MED9: variants seen among roughly 807,000 people sequenced by gnomAD.
The protein encoded by MED9 is mediator of RNA polymerase II transcription subunit 9.
A neutral mutation model predicts 13.2 loss-of-function variants in MED9; 8 were observed. The ratio of observed to expected loss-of-function variants is 0.61; its 90% confidence interval spans 0.36 to 1.10. The LOEUF (loss-of-function observed/expected upper bound fraction) is 1.10, where lower values mean the gene tolerates loss of function less well. Ranked by LOEUF, MED9 falls within the 50% of genes least tolerant of loss-of-function variation. MED9 has a pLI of 0.02. For synonymous variants in MED9, 87 were observed against 82.8 expected, an observed-to-expected ratio of 1.05 and a Z score of -0.28; for missense variants, 180 against 193.4, an observed-to-expected ratio of 0.93 and a Z score of 0.41.
chr17:17,487,154 G>A (rs556267280), intron 1 of MED9: 4 of 152,386 alleles, frequency 2.6e-5, no homozygotes, highest in Admixed American at 2.0e-4. Context: ...TAATCTGATG[G>A]GGACGGGGAG....
intron 1 of MED9, among the ~76,000 whole-genome samples, chr17:17,478,681 AC>A (rs1389706157): frequency 2.6e-5 from 4 of 151,958 alleles, no homozygotes; most frequent in African/African-American, 9.7e-5. Context: ...ACATGGCAAA[AC>A]CCCATCTCTA....
intron 1 of MED9, 119 bp downstream of exon 1, chr17:17,477,384 CT>C: frequency 8.6e-7 from 1 of 1,166,098 alleles, no homozygotes; most frequent in East Asian, 2.5e-5. Context: ...GATGGGGAAA[CT>C]CAGACCCAGA....
intron 1 of MED9, among the ~76,000 whole-genome samples, chr17:17,484,841 G>A (rs1247219619): frequency 1.3e-5 from 2 of 152,208 alleles, no homozygotes. Flanking sequence ...TCCTTAGTGG[G>A]CGTGAGAAAT....
Position 17,490,049 on chromosome 17 carries a change from A to G in MED9, c.225-1230A>G, listed in dbSNP as rs149785334. On this transcript the variant is annotated intron_variant, in intron 1 of 1. Transcript: ENST00000268711. ...GACAGTTTTTCCCTCTTATGCCTCA[A>G]TGGCTTACTTTCAGAACAGCTTACT... Among the ~76,000 whole-genome samples, 301 of 152,368 alleles carry G rather than the reference A, an allele frequency of 2.0e-3. No homozygotes were observed. The Middle Eastern group carries it at 0.024, about 12-fold the overall frequency.
rs753941762 is a variant in MED9, at chr17:17,477,047, C to G, written c.6C>G (p.Ala2=). M[A]SAGVAAGRQA... ...GCTAACCTACCCCCGGAGCCATGGC[C>G]TCTGCTGGGGTGGCAGCCGGGCGAC... Residue 2 remains alanine, a synonymous_variant, in exon 1 of 2, where the codon GCC becomes GCG. Transcript: ENST00000268711. 6.8e-6 allele frequency: 11 copies of G among 1,605,926 alleles called. No individual in the cohort carries two copies. Among genetic ancestry groups the G allele is most frequent in the Non-Finnish European group, 8.5e-6 (10 of 1,179,708 alleles).
intron 1 of MED9, among the ~76,000 whole-genome samples, chr17:17,479,871 C>A (rs1310973717): frequency 6.6e-6 from 1 of 152,146 alleles, no homozygotes; most frequent in African/African-American, 2.4e-5. Context: ...ATGACCAGGG[C>A]TAATTCATCT....
At chr17:17,477,319 GC>G (rs1417727419) in intron 1 of MED9, 54 bp downstream of exon 1, 4 of 1,505,778 alleles carry the variant, frequency 2.7e-6, no homozygotes, top group Non-Finnish European at 2.7e-6. Context: ...TCTCCTCTCA[GC>G]CGTTTCAGAG....
chr17:17,491,562 C>T lies in MED9; in HGVS notation c.*67C>T, dbSNP rs1311135983. The T allele has an allele frequency of 1.4e-6, 2 of 1,425,116 alleles. No homozygotes were observed. Among genetic ancestry groups the T allele is most frequent in the South Asian group, 1.2e-5 (1 of 86,224 alleles). 88.3% of individuals were successfully genotyped at this position (1,425,116 alleles called of 1,614,324 possible). A position where few individuals can be genotyped will look rare whatever the true frequency, so the allele number is the denominator to read the frequency against. On this transcript the variant is annotated 3_prime_UTR_variant, in exon 2 of 2. Coordinates refer to ENST00000268711, the MANE Select transcript of MED9 (RefSeq NM_018019.3). ...CTGTCTCCCCACTACCATCCCCAAA[C>T]GCTCCTTGGGGCGTGGTTCCTGTGG...
At chr17:17,485,929 G>A (rs1198689018) in intron 1 of MED9, 1 of 152,196 alleles carries the variant, frequency 6.6e-6, no homozygotes, top group African/African-American at 2.4e-5. Context: ...TCCCTCTCCG[G>A]AAGGCCTCAT....
chr17:17,490,624 G>A (rs1905212072), intron 1 of MED9, among the ~76,000 whole-genome samples: 1 of 152,230 alleles, frequency 6.6e-6, no homozygotes, highest in South Asian at 2.1e-4. Flanking sequence ...GACCATGGTA[G>A]AAGAGAGCCT....
At position 17,492,586 on chromosome 17, in the gene MED9, G is replaced by C. The variant is rs1905259419; in HGVS notation, c.*1091G>C. ...TCCCCAGCTTCCCTGATTTCTTCCA[G>C]ATGGGACGTTTTATTTGTGTGCTCT... On this transcript the variant is annotated 3_prime_UTR_variant, in exon 2 of 2. Coordinates refer to ENST00000268711, the MANE Select transcript of MED9 (RefSeq NM_018019.3). 1.3e-5 allele frequency: 2 copies of C among 152,264 alleles called. No individual in the cohort carries two copies. The highest frequency in any genetic ancestry group is 1.3e-4 in the Admixed American group (2 of 15,276). 9.4% of individuals were successfully genotyped at this position (152,264 alleles called of 1,614,324 possible). A position where few individuals can be genotyped will look rare whatever the true frequency, so the allele number is the denominator to read the frequency against.
At chr17:17,478,148 A>G (rs1023965148) in intron 1 of MED9, among the ~76,000 whole-genome samples, 4 of 152,330 alleles carry the variant, frequency 2.6e-5, no homozygotes, top group African/African-American at 9.6e-5. Context: ...GGCATGAGCC[A>G]TGGCACCCAG....
intron 1 of MED9, chr17:17,485,472 T>C (rs1905111481): frequency 2.6e-6 from 1 of 386,926 alleles, no homozygotes; most frequent in Admixed American, 4.5e-5. Context: ...GGGGAGGACC[T>C]GGGTCCACAG....
rs1398615475 is a variant in MED9 at position 17,492,874 on chromosome 17, G to T, written c.*1379G>T. The T allele has an allele frequency of 6.6e-6, 1 of 152,316 alleles. No individual in the cohort carries two copies. The highest frequency in any genetic ancestry group is 6.5e-5 in the Admixed American group (1 of 15,286). 9.4% of individuals were successfully genotyped at this position (152,316 alleles called of 1,614,324 possible). On this transcript the variant is annotated 3_prime_UTR_variant, in exon 2 of 2. Transcript: ENST00000268711. The stretch of plus-strand genomic sequence containing the variant: ...TATTGGGGACCTGGGAATGTGTGAA[G>T]GAGGAGATCAAATTTCAGTGGCTTT...
At chr17:17,485,512 C>G in intron 1 of MED9, 1 of 390,318 alleles carries the variant, frequency 2.6e-6, no homozygotes, top group Non-Finnish European at 4.5e-6. Flanking sequence ...GGTGGCTGGT[C>G]TAGAGGAGAT....
At chr17:17,481,264 C>T (rs1481641241) in intron 1 of MED9, among the ~76,000 whole-genome samples, 1 of 152,182 alleles carries the variant, frequency 6.6e-6, no homozygotes, top group African/African-American at 2.4e-5. Context: ...CCCTTCCTTT[C>T]CTATAACTTC....
chr17:17,477,531 A>T (rs1240780109), intron 1 of MED9: 2 of 457,598 alleles, frequency 4.4e-6, no homozygotes. Flanking sequence ...AGCGGCTCAA[A>T]TGTTCATCCC....
intron 1 of MED9, among the ~76,000 whole-genome samples, chr17:17,484,178 TAC>T (rs369228149): frequency 2.0e-4 from 30 of 152,364 alleles, no homozygotes; most frequent in African/African-American, 6.7e-4. Context: ...CCTTCTGAAT[TAC>T]AGTTGTTGCT....
In MED9 at chr17:17,477,312, C is replaced by G; in HGVS notation, c.224+47C>G. 2.0e-6 allele frequency: 3 copies of G among 1,512,380 alleles called. No individual in the cohort carries two copies. The South Asian group carries it at 3.9e-5, about 20-fold the overall frequency. The allele number at this position is 1,512,380 out of a possible 1,614,324, so 93.7% of individuals were successfully genotyped here. A position where few individuals can be genotyped will look rare whatever the true frequency, so the allele number is the denominator to read the frequency against. ...AGGCCCCATACTCCCTCCAGCTTCT[C>G]CTCTCAGCCGTTTCAGAGCTGCAAG... is the stretch of plus-strand genomic sequence containing the variant. On this transcript the variant is annotated intron_variant, in intron 1 of 1. Transcript: ENST00000268711.
Sources: gnomAD v4.1 joint callset for allele counts (sites outside exome capture counted in the v4.1 genomes callset) on GRCh38, gnomAD v4.1.1 for gene constraint, MANE v1.5 for transcripts, NCBI Gene and HGNC (gene_info 2026-07-23, HGNC 2026-07-21) for gene names.